PHF7: variants seen among roughly 807,000 people sequenced by gnomAD.
PHF7 encodes PHD finger protein 7.
In PHF7, 24 loss-of-function variants were observed where a neutral mutation model predicts 47.5. The ratio of observed to expected loss-of-function variants is 0.51; its 90% CI spans 0.37 to 0.71. The LOEUF is 0.71. Among genes scored for constraint, PHF7 ranks in the 30% least tolerant of loss-of-function variants. PHF7 has a pLI of 0.00. For missense variants in PHF7, 361 were observed against 456.8 expected, an observed-to-expected ratio of 0.79 and a Z score of 1.91; for synonymous variants, 156 against 153.8, an observed-to-expected ratio of 1.01 and a Z score of -0.11.
At chr3:52,422,937 T>C in intron 10 of PHF7, 56 bp downstream of exon 10, 1 of 1,608,972 alleles carries the variant, frequency 6.2e-7, no homozygotes, top group Non-Finnish European at 8.5e-7. Flanking sequence ...TAGGGACTTG[T>C]GGTGCCTGGG....
At chr3:52,416,271 C>T (rs1362769004) in intron 4 of PHF7, among the ~76,000 whole-genome samples, 2 of 150,940 alleles carry the variant, frequency 1.3e-5, no homozygotes, top group African/African-American at 4.9e-5. Flanking sequence ...CTGCAGCCTC[C>T]ACCTCCCGGG....
chr3:52,421,865 TAAG>T, intron 8 of PHF7, 111 bp downstream of exon 8: 1 of 662,336 alleles, frequency 1.5e-6, no homozygotes, highest in South Asian at 1.6e-5. Flanking sequence ...GAGGCACTGA[TAAG>T]AAGGAAGGGG....
Position 52,411,067 on chromosome 3 carries a change from TC to T in PHF7, c.-249del, listed in dbSNP as rs1164081199. The stretch of plus-strand genomic sequence containing the variant: ...CCTGTCCAGTGAAACAACTTGATAA[TC>T]GTTTCGAGGGGCGTCCGCCGGGTTA... On this transcript the variant is annotated 5_prime_UTR_variant, in exon 1 of 11. The change creates a new upstream start codon in the 5' untranslated region. Coordinates refer to ENST00000327906, the MANE Select transcript of PHF7 (RefSeq NM_016483.7). 2 of 152,182 alleles carry T rather than the reference TC, an allele frequency of 1.3e-5. No homozygotes were observed. Among genetic ancestry groups the T allele is most frequent in the Non-Finnish European group, 2.9e-5 (2 of 68,034 alleles). The allele number at this position is 152,182 out of a possible 1,614,324, so 9.4% of individuals were successfully genotyped here.
intron 1 of PHF7, among the ~76,000 whole-genome samples, chr3:52,412,427 C>T (rs190257203): frequency 3.4e-4 from 52 of 152,244 alleles, no homozygotes; most frequent in African/African-American, 1.2e-3. Context: ...TTTGTAGGCA[C>T]AAAGAAACAA....
chr3:52,421,577 AG>A (rs761928094), intron 7 of PHF7, 70 bp from the exon 8 acceptor site: 11 of 865,382 alleles, frequency 1.3e-5, no homozygotes, highest in Non-Finnish European at 2.2e-5. Flanking sequence ...TGTAGGGGTG[AG>A]GGTGGGAGGA....
intron 5 of PHF7, 135 bp from the exon 6 acceptor site, chr3:52,420,176 C>A: frequency 9.8e-7 from 1 of 1,018,770 alleles, no homozygotes; most frequent in Non-Finnish European, 1.6e-6. Context: ...TCCGGGTGCC[C>A]CAGAGCATTC....
chr3:52,414,154 C>A, intron 3 of PHF7, 106 bp downstream of exon 3: 1 of 745,126 alleles, frequency 1.3e-6, no homozygotes, highest in South Asian at 1.6e-5. Context: ...CCCAGCCCTA[C>A]TTCCTTCCTA....
chr3:52,420,573 A>G, intron 6 of PHF7, 138 bp downstream of exon 6: 1 of 860,872 alleles, frequency 1.2e-6, no homozygotes, highest in South Asian at 1.6e-5. Context: ...GTAATAAGAA[A>G]CAGTGTCTTG....
chr3:52,411,358 C>T (rs1705425444), intron 1 of PHF7, 111 bp downstream of exon 1: 1 of 152,326 alleles, frequency 6.6e-6, no homozygotes, highest in South Asian at 2.1e-4. Context: ...ATGCCCTTCT[C>T]TCTCCTCTTC....
chr3:52,419,910 G>C lies in PHF7; in HGVS notation c.264G>C (p.Lys88Asn), dbSNP rs781732412. Residue 88 changes from lysine to asparagine, a missense_variant, in exon 5 of 11, where the codon AAG (lysine) becomes AAC (asparagine). Coordinates refer to ENST00000327906, the MANE Select transcript of PHF7 (RefSeq NM_016483.7). ...GATTTCTGCCTGAAGACATCAAAAA[G>C]GAGGCAGCCCGGGCTTCTAGGAAGG... is the stretch of plus-strand genomic sequence containing the variant. Reference protein sequence around the residue: ...FHGFLPEDIKKEAARASRKIC... With the variant: ...FHGFLPEDIKNEAARASRKIC... 2 of 1,609,012 alleles carry C rather than the reference G, an allele frequency of 1.2e-6. No individual in the cohort carries two copies. The highest frequency in any genetic ancestry group is 1.7e-6 in the Non-Finnish European group (2 of 1,176,984).
intron 6 of PHF7, 86 bp from the exon 7 acceptor site, chr3:52,420,817 G>GGGT: frequency 8.2e-7 from 1 of 1,219,332 alleles, no homozygotes; most frequent in South Asian, 1.4e-5. Flanking sequence ...GCACCAGCCT[G>GGGT]GGTGGCTGGC....
intron 1 of PHF7, 54 bp downstream of exon 1, chr3:52,411,301 C>T (rs1394628991): frequency 6.6e-6 from 1 of 152,322 alleles, no homozygotes; most frequent in Non-Finnish European, 1.5e-5. Context: ...GGGAACTGCT[C>T]CGCAGTCCGC....
At chr3:52,414,721 T>C (rs892537582) in intron 4 of PHF7, 134 bp downstream of exon 4, 3 of 499,940 alleles carry the variant, frequency 6.0e-6, no homozygotes, top group African/African-American at 4.1e-5. Context: ...TTAAAATCTA[T>C]TTTTAGGCTG....
chr3:52,416,279 G>C (rs973863271), intron 4 of PHF7, among the ~76,000 whole-genome samples: 4 of 149,594 alleles, frequency 2.7e-5, no homozygotes, highest in African/African-American at 9.8e-5. Context: ...TCCACCTCCC[G>C]GGTTGGAGCA....
Position 52,423,272 on chromosome 3 carries a change from G to A in PHF7, c.1101G>A (p.Arg367=), listed in dbSNP as rs375965158. The A allele has an allele frequency of 3.7e-6, 6 of 1,613,916 alleles. No homozygotes were observed. The African/African-American group carries it at 8.0e-5, about 22-fold the overall frequency. ...SSRGRRSYSW[R]SKGVRITNSC... is the part of the protein sequence containing the mutation. ...GTGGCAGGAGGAGCTACTCCTGGAGGTCCAAGGGTGTCAGAATCACTAACA... is the reference window on the plus strand; with the variant it reads ...GTGGCAGGAGGAGCTACTCCTGGAGATCCAAGGGTGTCAGAATCACTAACA... The change falls in exon 11 of 11, where the codon AGG becomes AGA. Residue 367 remains arginine, a synonymous_variant. Transcript: ENST00000327906.
At chr3:52,422,375 A>T (rs2153229235) in intron 9 of PHF7, 37 bp downstream of exon 9, 1 of 1,294,014 alleles carries the variant, frequency 7.7e-7, no homozygotes, top group Middle Eastern at 1.8e-4. Flanking sequence ...AGCTCTCATC[A>T]GTGCTATCTT....
At position 52,412,818 on chromosome 3, in the gene PHF7, A is replaced by T. The variant is rs1578236698; in HGVS notation, c.-62A>T. On this transcript the variant is annotated 5_prime_UTR_variant, in exon 2 of 11. Coordinates refer to ENST00000327906, the MANE Select transcript of PHF7 (RefSeq NM_016483.7). ...CCCCATTTATATTTATAGCTGGAAG[A>T]GCCTGTATTGTCCTCACAATAGTAT... 7.9e-7 allele frequency: 1 copy of T among 1,270,406 alleles called. No individual in the cohort carries two copies. The highest frequency in any genetic ancestry group is 2.4e-5 in the East Asian group (1 of 41,586). The allele number at this position is 1,270,406 out of a possible 1,614,324, so 78.7% of individuals were successfully genotyped here.
chr3:52,417,164 T>C (rs914995097), intron 4 of PHF7, among the ~76,000 whole-genome samples: 2 of 152,238 alleles, frequency 1.3e-5, no homozygotes, highest in Non-Finnish European at 2.9e-5. Flanking sequence ...CATTGATCTA[T>C]GTATCTATTC....
rs1185411186 is a variant in PHF7 at position 52,414,563 on chromosome 3, T to C, written c.162T>C (p.Asn54=). 1.2e-6 allele frequency: 2 copies of C among 1,611,346 alleles called. No individual in the cohort carries two copies. Among genetic ancestry groups the C allele is most frequent in the Admixed American group, 3.3e-5 (2 of 59,886 alleles). Reference sequence around the variant, plus strand: ...TAGGGGAATTTCTTCAGAAAGACAATATCAGCGTGCATTATTTCTGTCTTG... The same window carrying C: ...TAGGGGAATTTCTTCAGAAAGACAACATCAGCGTGCATTATTTCTGTCTTG... The part of the protein sequence containing the change: ...EKLGEFLQKD[N]ISVHYFCLIL... The change falls in exon 4 of 11, where the codon AAT becomes AAC. Residue 54 remains asparagine (N), a synonymous_variant. Coordinates refer to ENST00000327906, the MANE Select transcript of PHF7 (RefSeq NM_016483.7).
Sources: gnomAD v4.1 joint callset for allele counts (sites outside exome capture counted in the v4.1 genomes callset) on GRCh38, gnomAD v4.1.1 for gene constraint, MANE v1.5 for transcripts, NCBI Gene and HGNC (gene_info 2026-07-23, HGNC 2026-07-21) for gene names.